The following MAML3 variants were observed in gnomAD, a reference collection of about 807,000 sequenced individuals.
MAML3 encodes the protein mastermind-like protein 3.
MAML3 carries 27 observed loss-of-function variants against 101.9 expected under a neutral mutation model. That is an observed-to-expected ratio of 0.27 (90% CI 0.20 to 0.37). The LOEUF is 0.37. Ranked by LOEUF, MAML3 falls within the 10% of genes least tolerant of loss-of-function variation. MAML3 has a pLI of 1.00. For missense variants in MAML3, 1,316 were observed against 1,444.9 expected, an observed-to-expected ratio of 0.91 and a Z score of 1.45; for synonymous variants, 501 against 555.9, an observed-to-expected ratio of 0.90 and a Z score of 1.39.
intron 1 of MAML3, among the ~76,000 whole-genome samples, chr4:140,052,165 T>C (rs1317296015): frequency 6.6e-6 from 1 of 152,168 alleles, no homozygotes; most frequent in Non-Finnish European, 1.5e-5. Flanking sequence ...ATAAGTTAAA[T>C]AAAAGGCTAA....
chr4:139,836,032 C>T (rs533920295), intron 2 of MAML3, among the ~76,000 whole-genome samples: 17 of 152,254 alleles, frequency 1.1e-4, no homozygotes, highest in African/African-American at 3.6e-4. Flanking sequence ...CAGGAGACAG[C>T]GGATGACACA....
At chr4:139,940,015 C>T (rs1190024193) in intron 1 of MAML3, among the ~76,000 whole-genome samples, 6 of 152,148 alleles carry the variant, frequency 3.9e-5, no homozygotes, top group Middle Eastern at 6.3e-3. Context: ...TCGTCCACCT[C>T]GGCCTCCCAA....
intron 1 of MAML3, among the ~76,000 whole-genome samples, chr4:140,111,841 T>C (rs1042142691): frequency 3.3e-5 from 5 of 152,002 alleles, no homozygotes; most frequent in African/African-American, 9.7e-5. Flanking sequence ...ATGGAAAGAG[T>C]GGAAGTATTT....
chr4:140,018,255 C>T (rs913672653), intron 1 of MAML3, among the ~76,000 whole-genome samples: 20 of 151,744 alleles, frequency 1.3e-4, no homozygotes, highest in African/African-American at 4.8e-4. Context: ...AAATGTATAA[C>T]GCATAATAAA....
At chr4:140,040,722 T>TTA (rs1391660153) in intron 1 of MAML3, among the ~76,000 whole-genome samples, 1 of 152,216 alleles carries the variant, frequency 6.6e-6, no homozygotes, top group Admixed American at 6.5e-5. Flanking sequence ...CCTACTGACC[T>TTA]TATCTTGCCA....
intron 1 of MAML3, among the ~76,000 whole-genome samples, chr4:140,090,012 G>C (rs552486596): frequency 1.3e-5 from 2 of 152,356 alleles, no homozygotes; most frequent in South Asian, 2.1e-4. Flanking sequence ...GAATTAAAAT[G>C]ATTTAAGGTA....
chr4:139,895,151 G>C (rs1732584696), intron 1 of MAML3, among the ~76,000 whole-genome samples: 1 of 152,228 alleles, frequency 6.6e-6, no homozygotes, highest in African/African-American at 2.4e-5. Context: ...TTACGGCTGA[G>C]TGAGCAGCTG....
chr4:139,848,415 C>T (rs1403406366), intron 2 of MAML3, among the ~76,000 whole-genome samples: 1 of 152,216 alleles, frequency 6.6e-6, no homozygotes, highest in Non-Finnish European at 1.5e-5. Context: ...TATGCATCTA[C>T]AAACACAACA....
rs200608632 is a variant in MAML3, at chr4:140,063,440, C to G, written c.468+89420G>C. Among the ~76,000 whole-genome samples the G allele has an allele frequency of 7.2e-5, 11 of 152,284 alleles. No individual in the cohort carries two copies. In the East Asian group the frequency reaches 2.1e-3, roughly 29 times the overall value. ...GCCATTCTGTCTGGAAAGCCAAAGC[C>G]TGCCAGTGTCCCTGGTAAGAGAGGT... On this transcript the variant is annotated intron_variant, in intron 1 of 4. Transcript: ENST00000509479.
chr4:139,904,498 C>T (rs1053484067), intron 1 of MAML3, among the ~76,000 whole-genome samples: 2 of 152,160 alleles, frequency 1.3e-5, no homozygotes, highest in Admixed American at 6.5e-5. Context: ...AAGACAGTGT[C>T]GTTTGCAGTA....
intron 1 of MAML3, among the ~76,000 whole-genome samples, chr4:140,046,747 T>G (rs915418485): frequency 4.6e-5 from 7 of 152,156 alleles, no homozygotes; most frequent in African/African-American, 1.7e-4. Flanking sequence ...GGTTTCACAT[T>G]TTCTACAAAG....
At chr4:139,729,791 A>G (rs1728627137) in intron 3 of MAML3, among the ~76,000 whole-genome samples, 1 of 152,232 alleles carries the variant, frequency 6.6e-6, no homozygotes, top group Admixed American at 6.5e-5. Flanking sequence ...AAGATGCTTA[A>G]GGTAAAGCTG....
At chr4:140,127,459 G>C (rs531772165) in intron 1 of MAML3, among the ~76,000 whole-genome samples, 8 of 152,328 alleles carry the variant, frequency 5.3e-5, no homozygotes, top group African/African-American at 1.7e-4. Flanking sequence ...CACATTGATA[G>C]TCACTGCAAT....
At chr4:139,965,137 A>G (rs1734104204) in intron 1 of MAML3, among the ~76,000 whole-genome samples, 2 of 151,972 alleles carry the variant, frequency 1.3e-5, no homozygotes, top group African/African-American at 4.8e-5. Flanking sequence ...AATTGCTTTC[A>G]CTTTGTTACT....
chr4:140,033,363 C>A (rs1290598051), intron 1 of MAML3, among the ~76,000 whole-genome samples: 2 of 151,802 alleles, frequency 1.3e-5, no homozygotes, highest in Non-Finnish European at 2.9e-5. Context: ...ACCTGAGTGG[C>A]GAGGAAAGGC....
Position 139,808,359 on chromosome 4 carries a change from C to T in MAML3, c.2080-77692G>A, listed in dbSNP as rs563269901. ...GCCTACAAGTGAAGGGTGTATATCACCGGCCTGTGGCCAACCGCTGCAGGC... is the reference window on the plus strand; with the variant it reads ...GCCTACAAGTGAAGGGTGTATATCATCGGCCTGTGGCCAACCGCTGCAGGC... On this transcript the variant is annotated intron_variant, in intron 2 of 4. Transcript: ENST00000509479. 8.6e-4 allele frequency among the ~76,000 whole-genome samples: 131 copies of T among 152,362 alleles called. 2 individuals are homozygous for T. The highest frequency in any genetic ancestry group is 1.5e-3 in the Admixed American group (23 of 15,304).
chr4:139,938,199 C>A (rs940637867), intron 1 of MAML3, among the ~76,000 whole-genome samples: 2 of 152,172 alleles, frequency 1.3e-5, no homozygotes, highest in Admixed American at 6.5e-5. Flanking sequence ...TTGAACTGCT[C>A]TCAGTTCTTG....
At chr4:140,050,460 C>T (rs1175574056) in intron 1 of MAML3, among the ~76,000 whole-genome samples, 6 of 152,064 alleles carry the variant, frequency 3.9e-5, no homozygotes, top group Admixed American at 6.6e-5. Context: ...CCCAATTAAC[C>T]CCTTAGGCTC....
chr4:140,142,611 T>C (rs1728994372), intron 1 of MAML3, among the ~76,000 whole-genome samples: 1 of 152,202 alleles, frequency 6.6e-6, no homozygotes, highest in Non-Finnish European at 1.5e-5. Context: ...ACCTGGATCC[T>C]AATAACTGTC....
Sources: allele counts gnomAD v4.1 joint callset (sites outside exome capture counted in the v4.1 genomes callset), GRCh38; gene constraint gnomAD v4.1.1; transcripts MANE v1.5; gene names NCBI Gene and HGNC (gene_info 2026-07-23, HGNC 2026-07-21).